USP7: variants seen among roughly 807,000 people sequenced by gnomAD.
The protein encoded by USP7 is ubiquitin C-terminal hydrolase 7.
Under a neutral mutation model 162.9 loss-of-function variants are expected in USP7, and 9 were observed. That is an observed-to-expected ratio of 0.06 (90% CI 0.03 to 0.10). The LOEUF (loss-of-function observed/expected upper bound fraction) is 0.10. Among genes scored for constraint, USP7 ranks in the 10% least tolerant of loss-of-function variants. The probability of loss-of-function intolerance (pLI) is 1.00; values close to 1 mark genes in which losing one functional copy is unlikely to be tolerated. For synonymous variants in USP7, 562 were observed against 475.9 expected (o/e 1.18, Z -2.35); for missense variants, 715 against 1,373.7 (o/e 0.52, Z 7.58).
rs2061742888 is a variant in USP7, at chr16:8,899,594, T to C, written c.2463+10A>G. On this transcript the variant is annotated intron_variant, in intron 22 of 30. Coordinates refer to ENST00000344836, the MANE Select transcript of USP7 (RefSeq NM_003470.3). ...GGGATCTGAAGAGGAAAGGAGCATTTATTAAATACCTGAAAATAATTCATT... is the reference window on the plus strand; with the variant it reads ...GGGATCTGAAGAGGAAAGGAGCATTCATTAAATACCTGAAAATAATTCATT... The C allele has an allele frequency of 3.7e-6, 6 of 1,613,010 alleles. No individual in the cohort carries two copies. The highest frequency in any genetic ancestry group is 5.1e-6 in the Non-Finnish European group (6 of 1,179,062).
At chr16:8,899,941 T>C (rs2061747614) in intron 21 of USP7, 184 bp from the exon 22 acceptor site, 5 of 705,220 alleles carry the variant, frequency 7.1e-6, no homozygotes, top group Admixed American at 5.5e-5. Flanking sequence ...CAAGTATGCA[T>C]GGGGATGCAC....
At chr16:8,949,257 C>T (rs1399910558) in intron 1 of USP7, among the ~76,000 whole-genome samples, 1 of 152,170 alleles carries the variant, frequency 6.6e-6, no homozygotes. Flanking sequence ...TGTTACCAAA[C>T]CAGGTAAAAT....
Position 8,903,328 on chromosome 16 carries a change from C to T in USP7, c.1779G>A (p.Val593=). 1 of 1,614,158 alleles carries T rather than the reference C, an allele frequency of 6.2e-7. No individual in the cohort carries two copies. The part of the protein sequence containing the change: ...MYDEEKVKYT[V]FKVLKNSSLA... Reference sequence around the variant, plus strand: ...GCGAGGAGTTCTTCAATACTTTGAACACAGTGTATTTCACTTTTTCTTCAT... The same window carrying T: ...GCGAGGAGTTCTTCAATACTTTGAATACAGTGTATTTCACTTTTTCTTCAT... Residue 593 remains valine (V), a synonymous_variant, in exon 16 of 31, where the codon GTG becomes GTA. Coordinates refer to ENST00000344836, the MANE Select transcript of USP7 (RefSeq NM_003470.3).
intron 27 of USP7, 117 bp from the exon 28 acceptor site, chr16:8,895,267 A>T: frequency 6.7e-7 from 1 of 1,501,262 alleles, no homozygotes; most frequent in East Asian, 2.3e-5. Flanking sequence ...TTGCTAAAAA[A>T]ACGCCACACC....
In USP7 at chr16:8,921,313, C is replaced by G. The variant is rs528889913; in HGVS notation, c.384-18G>C. On this transcript the variant is annotated intron_variant, in intron 3 of 30. Transcript: ENST00000344836. Reference sequence around the variant, plus strand: ...ACCATGACCTGTTTAAAAGAATAATCTGAGCCTTAGTTGACATTATTTACC... The same window carrying G: ...ACCATGACCTGTTTAAAAGAATAATGTGAGCCTTAGTTGACATTATTTACC... 1 of 1,609,512 alleles carries G rather than the reference C, an allele frequency of 6.2e-7. No individual in the cohort carries two copies. Among genetic ancestry groups the G allele is most frequent in the African/African-American group, 1.3e-5 (1 of 74,818 alleles).
At chr16:8,895,930 G>C (rs372283736) in intron 26 of USP7, among the ~76,000 whole-genome samples, 189 bp from the exon 27 acceptor site, 1 of 151,002 alleles carries the variant, frequency 6.6e-6, no homozygotes, top group South Asian at 2.1e-4. Context: ...TCCGCCTCCC[G>C]GGTTCAAGCA....
chr16:8,898,049 C>A (rs529167913), intron 25 of USP7, among the ~76,000 whole-genome samples: 1 of 151,952 alleles, frequency 6.6e-6, no homozygotes, highest in Non-Finnish European at 1.5e-5. Context: ...GAGATCAGGC[C>A]GCGGCAGGAA....
At chr16:8,894,382 CTG>C in intron 30 of USP7, among the ~76,000 whole-genome samples, 166 bp downstream of exon 30, 1 of 152,280 alleles carries the variant, frequency 6.6e-6, no homozygotes. Flanking sequence ...ATGTAAGGAC[CTG>C]TTAAGAACTC....
At chr16:8,913,153 C>A (rs552645046) in intron 10 of USP7, among the ~76,000 whole-genome samples, 1 of 152,248 alleles carries the variant, frequency 6.6e-6, no homozygotes, top group South Asian at 2.1e-4. Flanking sequence ...GTCAGGAACT[C>A]GAGACCAGCC....
chr16:8,952,539 C>T lies in USP7; in HGVS notation c.79+10668G>A, dbSNP rs146339105. Among the ~76,000 whole-genome samples, 56 of 152,296 alleles carry T rather than the reference C, an allele frequency of 3.7e-4. 1 individual carries two copies. The East Asian group carries it at 0.01, about 28-fold the overall frequency. Reference sequence around the variant, plus strand: ...CTAGAGCCACCCCATTCCTGGGCTCCCCCTTGCACCTGTCTTCTCAGGTCC... The same window carrying T: ...CTAGAGCCACCCCATTCCTGGGCTCTCCCTTGCACCTGTCTTCTCAGGTCC... On this transcript the variant is annotated intron_variant, in intron 1 of 30. Coordinates refer to ENST00000344836, the MANE Select transcript of USP7 (RefSeq NM_003470.3).
rs1280999076 is a variant in USP7 at position 8,930,373 on chromosome 16, C to G, written c.104G>C (p.Arg35Thr). The change falls in exon 2 of 31, where the codon AGA becomes ACA. Residue 35 changes from arginine to threonine, a missense_variant. Arg to Thr is a moderately conservative substitution (Grantham distance 71). This residue lies in a region of USP7 where 137 missense variants were observed against 123.5 expected (regional missense o/e 1.11). Coordinates refer to ENST00000344836, the MANE Select transcript of USP7 (RefSeq NM_003470.3). ...MEAGDTDDPP[R>T]ITQNPVINGN... is the part of the protein sequence containing the mutation. ...ATTGATCACAGGGTTCTGAGTAATT[C>G]TTGGTGGGTCATCTGTATCTCCCGC... is the stretch of plus-strand genomic sequence containing the variant. 2 of 1,611,876 alleles carry G rather than the reference C, an allele frequency of 1.2e-6. No homozygotes were observed. The highest frequency in any genetic ancestry group is 1.7e-5 in the Admixed American group (1 of 59,640).
chr16:8,945,216 T>C (rs915172682), intron 1 of USP7, among the ~76,000 whole-genome samples: 6 of 150,740 alleles, frequency 4.0e-5, no homozygotes, highest in African/African-American at 1.5e-4. Context: ...AAGAGCGAAA[T>C]TCCATCTTCA....
In USP7 at chr16:8,963,865, T is replaced by G. The variant is rs1449889551; in HGVS notation, c.-580A>C. Reference sequence around the variant, plus strand: ...GGCAGCGGACGCGGCGCCCGGCAGCTCGGCTCGGCTCGCTCTCAAAATGGC... The same window carrying G: ...GGCAGCGGACGCGGCGCCCGGCAGCGCGGCTCGGCTCGCTCTCAAAATGGC... On this transcript the variant is annotated 5_prime_UTR_variant, in exon 1 of 31. Coordinates refer to ENST00000344836, the MANE Select transcript of USP7 (RefSeq NM_003470.3). Among the ~76,000 whole-genome samples, 1 of 146,040 alleles carries G rather than the reference T, an allele frequency of 6.8e-6. No homozygotes were observed. The highest frequency in any genetic ancestry group is 2.5e-5 in the African/African-American group (1 of 40,516).
In USP7 at chr16:8,897,114, G is replaced by C. The variant is rs775974753; in HGVS notation, c.2719-15C>G. The C allele has an allele frequency of 9.5e-6, 15 of 1,582,626 alleles. 1 individual carries two copies. The South Asian group carries it at 1.0e-4, about 11-fold the overall frequency. ...AGTGTTATTTCCTAAGTAATGAAAA[G>C]ATAAAATAAGTGCTTTCAAGAAAGC... On this transcript the variant is annotated splice_polypyrimidine_tract_variant and intron_variant, in intron 25 of 30. Transcript: ENST00000344836.
Position 8,904,423 on chromosome 16 carries a change from G to A in USP7, c.1704+12C>T. The A allele has an allele frequency of 6.2e-7, 1 of 1,613,152 alleles. No homozygotes were observed. Among genetic ancestry groups the A allele is most frequent in the Non-Finnish European group, 8.5e-7 (1 of 1,179,772 alleles). On this transcript the variant is annotated intron_variant, in intron 15 of 30. Coordinates refer to ENST00000344836, the MANE Select transcript of USP7 (RefSeq NM_003470.3). ...CATGGTGACCCGGAGTCCCAGAAGG[G>A]CGGGGGCTGACCTGCACTTGCATAT...
intron 1 of USP7, among the ~76,000 whole-genome samples, chr16:8,960,327 T>C (rs1899962445): frequency 6.6e-6 from 1 of 152,152 alleles, no homozygotes; most frequent in Non-Finnish European, 1.5e-5. Context: ...TCACCCTTCA[T>C]CACTTTCCTA....
chr16:8,948,235 A>AT (rs1329111691), intron 1 of USP7, among the ~76,000 whole-genome samples: 3 of 152,176 alleles, frequency 2.0e-5, no homozygotes, highest in Admixed American at 6.5e-5. Context: ...AGGCTGGAGA[A>AT]TGAGTGGCAC....
chr16:8,900,275 C>T (rs2061753325), intron 21 of USP7: 1 of 389,934 alleles, frequency 2.6e-6, no homozygotes. Context: ...AGCAATTGTT[C>T]CCACTCTACT....
At chr16:8,934,176 G>A (rs577329828) in intron 1 of USP7, among the ~76,000 whole-genome samples, 1 of 152,164 alleles carries the variant, frequency 6.6e-6, no homozygotes, top group Non-Finnish European at 1.5e-5. Context: ...GCAAAAATGA[G>A]GGCTCATTTT....
Sources: gnomAD v4.1 joint callset for allele counts (sites outside exome capture counted in the v4.1 genomes callset) on GRCh38, gnomAD v4.1.1 for gene constraint, gnomAD v4.1.1 regional missense constraint, MANE v1.5 for transcripts, NCBI Gene and HGNC (gene_info 2026-07-23, HGNC 2026-07-21) for gene names.